Variants in LIPA observed in about 807,000 individuals in gnomAD.
LIPA encodes the protein lipase A, lysosomal acid type, also known as lysosomal acid lipase/cholesteryl ester hydrolase.
Under a neutral mutation model 40.6 loss-of-function variants are expected in LIPA, and 26 were observed. That is an observed-to-expected ratio of 0.64 (90% CI 0.47 to 0.89). The LOEUF (loss-of-function observed/expected upper bound fraction) is 0.89. LIPA is among the 40% of genes least tolerant of loss of function. LIPA has a pLI of 0.00. For synonymous variants in LIPA, 188 were observed against 168.4 expected (o/e 1.12, Z -0.90); for missense variants, 455 against 479.6 (o/e 0.95, Z 0.48).
chr10:89,252,717 A>G (rs529455367), upstream of LIPA, among the ~76,000 whole-genome samples: 2 of 151,898 alleles, frequency 1.3e-5, no homozygotes, highest in African/African-American at 4.8e-5. Flanking sequence ...GAGGCAGGAA[A>G]ATGGCTTGAA....
At chr10:89,234,341 T>A (rs1842878800) in intron 3 of LIPA, among the ~76,000 whole-genome samples, 3 of 152,168 alleles carry the variant, frequency 2.0e-5, no homozygotes, top group Non-Finnish European at 4.4e-5. Context: ...GGGGTGCACA[T>A]CTTTCCAGGC....
intron 1 of LIPA, among the ~76,000 whole-genome samples, chr10:89,283,175 G>A (rs1192007193): frequency 6.6e-6 from 1 of 152,226 alleles, no homozygotes; most frequent in East Asian, 1.9e-4. Flanking sequence ...GCCACTCACA[G>A]TTTTGGCCAA....
At chr10:89,320,547 C>T (rs1004595728) in intron 1 of LIPA, among the ~76,000 whole-genome samples, 1 of 152,108 alleles carries the variant, frequency 6.6e-6, no homozygotes, top group African/African-American at 2.4e-5. Flanking sequence ...AACTACAAAC[C>T]ACTGCTCAAT....
rs1049267732 is a variant in LIPA at position 89,243,299 on chromosome 10, G to A, written c.229+2377C>T. On this transcript the variant is annotated intron_variant, in intron 3 of 9. Coordinates refer to ENST00000336233, the MANE Select transcript of LIPA (RefSeq NM_000235.4). ...AGGAAAGCGCCTATGCAGTTCTTAG[G>A]AAAATCACAATTCCTTTAGAGAACT... Among the ~76,000 whole-genome samples the A allele has an allele frequency of 3.0e-4, 46 of 152,158 alleles. 1 individual carries two copies. Among genetic ancestry groups the A allele is most frequent in the Admixed American group, 2.2e-3 (33 of 15,280 alleles).
chr10:89,298,001 T>C (rs1843425267), intron 1 of LIPA, among the ~76,000 whole-genome samples: 1 of 152,202 alleles, frequency 6.6e-6, no homozygotes, highest in South Asian at 2.1e-4. Flanking sequence ...TGAAAGAGCC[T>C]GAGAGCTGTG....
chr10:89,287,690 C>G (rs1843348361), intron 1 of LIPA, among the ~76,000 whole-genome samples: 1 of 152,172 alleles, frequency 6.6e-6, no homozygotes, highest in Non-Finnish European at 1.5e-5. Flanking sequence ...AATATCCCAT[C>G]CCACAGCACG....
At position 89,259,776 on chromosome 10, in the gene LIPA, GACAA is replaced by G. The variant is rs1010002156; in HGVS notation, c.-1-12131_-1-12128del. Among the ~76,000 whole-genome samples the G allele has an allele frequency of 2.8e-4, 43 of 152,212 alleles. 1 individual carries two copies. The highest frequency in any genetic ancestry group is 6.7e-4 in the African/African-American group (28 of 41,532). On this transcript the variant is annotated intron_variant, in intron 1 of 5. Transcript: ENST00000282673. ...AAAATAATTATTCTGAGAGAAAGAG[GACAA>G]ACAAAAACAGTACATGTCTCATTTC...
chr10:89,402,244 C>A (rs903188551), intron 2 of LIPA: 10 of 1,384,012 alleles, frequency 7.2e-6, no homozygotes, highest in South Asian at 1.3e-5. Context: ...TTAGCTGTTC[C>A]TCACCTAACA....
At chr10:89,217,659 A>C (rs115130104) in intron 8 of LIPA, among the ~76,000 whole-genome samples, 12 of 152,374 alleles carry the variant, frequency 7.9e-5, no homozygotes, top group African/African-American at 2.9e-4. Context: ...TCAAAAGAAA[A>C]GTATTAAGAT....
chr10:89,290,159 ACT>A (rs1395756403), intron 1 of LIPA, among the ~76,000 whole-genome samples: 5 of 151,940 alleles, frequency 3.3e-5, no homozygotes, highest in African/African-American at 1.2e-4. Context: ...CCCCTTGGAC[ACT>A]CTCTAATTAG....
intron 3 of LIPA, among the ~76,000 whole-genome samples, chr10:89,231,291 C>T (rs750354386): frequency 1.4e-4 from 22 of 152,270 alleles, no homozygotes; most frequent in Middle Eastern, 3.4e-3. Flanking sequence ...GATTTGATAA[C>T]TAGCAAATTG....
intron 2 of LIPA, among the ~76,000 whole-genome samples, chr10:89,369,016 T>G (rs1844077536): frequency 6.6e-6 from 1 of 152,114 alleles, no homozygotes; most frequent in Non-Finnish European, 1.5e-5. Flanking sequence ...AGCTGCCAGG[T>G]GTCTACCACA....
intron 2 of LIPA, among the ~76,000 whole-genome samples, chr10:89,399,337 T>A (rs1844388800): frequency 6.6e-6 from 1 of 152,250 alleles, no homozygotes; most frequent in African/African-American, 2.4e-5. Context: ...TATCACTCTG[T>A]TGATAGTATC....
intron 2 of LIPA, among the ~76,000 whole-genome samples, chr10:89,348,768 T>C (rs1009511130): frequency 1.3e-5 from 2 of 152,328 alleles, no homozygotes; most frequent in African/African-American, 4.8e-5. Context: ...GGAATTTCCC[T>C]TGAAGGAACT....
At chr10:89,414,607 C>G, upstream of LIPA, 1 of 505,172 alleles carries the variant, frequency 2.0e-6, no homozygotes, top group Non-Finnish European at 3.4e-6. Context: ...TCTCCAGTTT[C>G]CTGTTCTTGC....
intron 2 of LIPA, chr10:89,393,384 T>C: frequency 1.0e-6 from 1 of 989,190 alleles, no homozygotes; most frequent in Non-Finnish European, 1.3e-6. Context: ...CTTGGGAAGA[T>C]CCGTATCTTC....
intron 8 of LIPA, among the ~76,000 whole-genome samples, chr10:89,218,851 G>A (rs980873124): frequency 6.6e-6 from 1 of 152,160 alleles, no homozygotes; most frequent in African/African-American, 2.4e-5. Flanking sequence ...TTTAGCAGCT[G>A]TATTTTGGGG....
intron 1 of LIPA, among the ~76,000 whole-genome samples, chr10:89,304,754 G>GT (rs1843467687): frequency 3.9e-5 from 6 of 151,998 alleles, no homozygotes; most frequent in Admixed American, 6.5e-5. Flanking sequence ...GTTTTTTAGG[G>GT]GTTTTTTTGT....
In LIPA at chr10:89,283,345, G is replaced by T. The variant is rs551565887; in HGVS notation, c.-1-35696C>A. Among the ~76,000 whole-genome samples, 3 of 152,314 alleles carry T rather than the reference G, an allele frequency of 2.0e-5. No individual in the cohort carries two copies. In the East Asian group the frequency reaches 5.8e-4, roughly 29 times the overall value. On this transcript the variant is annotated intron_variant, in intron 1 of 5. Coordinates refer to the LIPA transcript ENST00000282673. ...GCAGCTGCACCGGAGTCTCTCTGAG[G>T]CCACTCTGGCTCGGAAGTCTGCCTG...
Sources: gnomAD v4.1 joint callset for allele counts (sites outside exome capture counted in the v4.1 genomes callset) on GRCh38, gnomAD v4.1.1 for gene constraint, MANE v1.5 for transcripts, NCBI Gene and HGNC (gene_info 2026-07-23, HGNC 2026-07-21) for gene names.